GLRB: variants seen among roughly 807,000 people sequenced by gnomAD.
GLRB encodes glycine receptor subunit beta.
A neutral mutation model predicts 54.2 loss-of-function variants in GLRB; 33 were observed. The observed-to-expected ratio is 0.61, with a 90% CI of 0.46 to 0.81. GLRB has a LOEUF of 0.81. GLRB is among the 40% of genes least tolerant of loss of function. GLRB has a pLI of 0.00. For synonymous variants in GLRB, 209 were observed against 208.2 expected (o/e 1.00, Z -0.03); for missense variants, 572 against 584.6 (o/e 0.98, Z 0.22).
At chr4:157,113,099 C>G (rs543273566) in intron 2 of GLRB, among the ~76,000 whole-genome samples, 3 of 151,698 alleles carry the variant, frequency 2.0e-5, no homozygotes, top group Admixed American at 2.0e-4. Flanking sequence ...TCAATTATAC[C>G]CACATTTTAC....
chr4:157,135,559 T>C (rs1265736167), intron 4 of GLRB, among the ~76,000 whole-genome samples: 1 of 152,126 alleles, frequency 6.6e-6, no homozygotes, highest in Non-Finnish European at 1.5e-5. Flanking sequence ...CCTGCCACCA[T>C]GTAAATCATG....
intron 8 of GLRB, among the ~76,000 whole-genome samples, chr4:157,150,932 C>T (rs1261198950): frequency 2.0e-5 from 3 of 151,960 alleles, no homozygotes; most frequent in African/African-American, 7.2e-5. Context: ...CAAAGTAATG[C>T]TACTTAAGTA....
intron 8 of GLRB, among the ~76,000 whole-genome samples, chr4:157,147,164 T>A (rs1195892319): frequency 2.6e-5 from 4 of 152,176 alleles, no homozygotes; most frequent in Non-Finnish European, 4.4e-5. Context: ...TTAAACTTTG[T>A]CAAAATATAG....
intron 2 of GLRB, among the ~76,000 whole-genome samples, chr4:157,115,200 A>G (rs181631963): frequency 6.7e-6 from 1 of 148,670 alleles, no homozygotes; most frequent in African/African-American, 2.5e-5. Flanking sequence ...GCCATTGGGA[A>G]CCCTCTCAGT....
intron 9 of GLRB, among the ~76,000 whole-genome samples, chr4:157,155,323 G>T (rs1737185497): frequency 6.6e-6 from 1 of 152,074 alleles, no homozygotes; most frequent in Non-Finnish European, 1.5e-5. Flanking sequence ...TAGAGACAGG[G>T]TTTCCTCATG....
chr4:157,097,211 A>G (rs537104590), intron 2 of GLRB, among the ~76,000 whole-genome samples: 2 of 152,292 alleles, frequency 1.3e-5, no homozygotes, highest in South Asian at 4.1e-4. Flanking sequence ...GGACTCCATT[A>G]GATTTTTTCT....
intron 4 of GLRB, 87 bp from the exon 5 acceptor site, chr4:157,136,382 A>G: frequency 1.3e-6 from 1 of 769,216 alleles, no homozygotes; most frequent in Non-Finnish European, 2.3e-6. Flanking sequence ...GCCACTAATC[A>G]TTGTAACCCT....
intron 4 of GLRB, among the ~76,000 whole-genome samples, chr4:157,124,609 G>A (rs1735951952): frequency 6.6e-6 from 1 of 151,782 alleles, no homozygotes; most frequent in South Asian, 2.1e-4. Context: ...ATGGTTGGTG[G>A]AACAAATTTA....
At chr4:157,096,072 C>G (rs572604663) in intron 2 of GLRB, among the ~76,000 whole-genome samples, 1 of 152,074 alleles carries the variant, frequency 6.6e-6, no homozygotes, top group South Asian at 2.1e-4. Flanking sequence ...AGTCACAGTC[C>G]TTTCCTGGGA....
chr4:157,157,306 C>T lies in GLRB; in HGVS notation c.1197+4296C>T, dbSNP rs541628319. Among the ~76,000 whole-genome samples the T allele has an allele frequency of 5.7e-4, 87 of 152,332 alleles. 3 individuals are homozygous for T. Among genetic ancestry groups the T allele is most frequent in the Middle Eastern group, 3.4e-3 (1 of 294 alleles). ...ATGGAAGTCCTCAATCACCACTTGA[C>T]ACTATACTTCAGTGTGGATCGGGCT... On this transcript the variant is annotated intron_variant, in intron 9 of 9. Coordinates refer to ENST00000264428, the MANE Select transcript of GLRB (RefSeq NM_000824.5).
intron 2 of GLRB, among the ~76,000 whole-genome samples, chr4:157,086,636 C>A (rs1322897629): frequency 1.3e-5 from 2 of 152,116 alleles, no homozygotes; most frequent in Admixed American, 1.3e-4. Flanking sequence ...AATAACTAGA[C>A]TTTCTTTGTA....
chr4:157,140,633 A>G lies in GLRB; in HGVS notation c.751+1684A>G, dbSNP rs115984309. ...TTTTATTATCCTCATTGTACACATT[A>G]GGCTAATGAAATAGACCCTTGCCCA... On this transcript the variant is annotated intron_variant, in intron 7 of 9. Coordinates refer to ENST00000264428, the MANE Select transcript of GLRB (RefSeq NM_000824.5). Among the ~76,000 whole-genome samples the G allele has an allele frequency of 2.2e-3, 332 of 152,104 alleles. 3 individuals are homozygous for G. Among genetic ancestry groups the G allele is most frequent in the African/African-American group, 7.6e-3 (316 of 41,546 alleles).
chr4:157,119,985 A>C (rs903334059), intron 2 of GLRB, among the ~76,000 whole-genome samples: 3 of 151,758 alleles, frequency 2.0e-5, no homozygotes, highest in African/African-American at 7.3e-5. Context: ...AACCAACCCA[A>C]ATGTCCAACA....
intron 4 of GLRB, among the ~76,000 whole-genome samples, chr4:157,130,019 A>G (rs1163522307): frequency 6.6e-6 from 1 of 151,698 alleles, no homozygotes; most frequent in African/African-American, 2.4e-5. Context: ...GATATTTCCT[A>G]ATAAAATGAA....
At chr4:157,112,781 A>T (rs535912694) in intron 2 of GLRB, among the ~76,000 whole-genome samples, 2 of 151,840 alleles carry the variant, frequency 1.3e-5, no homozygotes, top group Admixed American at 1.3e-4. Flanking sequence ...CTAGGACAAG[A>T]CACCTTACTT....
chr4:157,136,306 G>A (rs552457928), intron 4 of GLRB, 163 bp from the exon 5 acceptor site: 9 of 623,344 alleles, frequency 1.4e-5, no homozygotes, highest in Admixed American at 2.7e-5. Flanking sequence ...TACTGCTAAT[G>A]GAGCTCTCCT....
intron 2 of GLRB, among the ~76,000 whole-genome samples, chr4:157,100,537 A>G (rs879372350): frequency 6.6e-6 from 1 of 151,928 alleles, no homozygotes; most frequent in Admixed American, 6.6e-5. Context: ...CTTCTCTAGT[A>G]TTTTCTTGGC....
chr4:157,078,173 A>C, intron 2 of GLRB, 27 bp downstream of exon 2: 1 of 1,610,290 alleles, frequency 6.2e-7, no homozygotes, highest in African/African-American at 1.3e-5. Flanking sequence ...TTATATTCTT[A>C]TATGGAGAAA....
At chr4:157,148,526 T>A (rs964937738) in intron 8 of GLRB, among the ~76,000 whole-genome samples, 1 of 152,200 alleles carries the variant, frequency 6.6e-6, no homozygotes, top group African/African-American at 2.4e-5. Flanking sequence ...CTGTAAGCAT[T>A]GCTTTAACTT....
Sources: allele counts gnomAD v4.1 joint callset (sites outside exome capture counted in the v4.1 genomes callset), GRCh38; gene constraint gnomAD v4.1.1; transcripts MANE v1.5; gene names NCBI Gene and HGNC (gene_info 2026-07-23, HGNC 2026-07-21).